Variants in GLCCI1 observed in about 807,000 individuals in gnomAD.
GLCCI1 encodes glucocorticoid-induced transcript 1 protein.
GLCCI1 carries 24 observed loss-of-function variants against 52.2 expected under a neutral mutation model. That is an observed-to-expected ratio of 0.46 (90% CI 0.33 to 0.65). The LOEUF (loss-of-function observed/expected upper bound fraction) is 0.65. Among genes scored for constraint, GLCCI1 ranks in the 30% least tolerant of loss-of-function variants. The pLI is 0.02. For missense variants in GLCCI1, 704 were observed against 701.5 expected, an observed-to-expected ratio of 1.00 and a Z score of -0.04; for synonymous variants, 310 against 276.5, an observed-to-expected ratio of 1.12 and a Z score of -1.20.
rs58639900 is a variant in GLCCI1, at chr7:8,086,980, CAAAA to C, written c.*458_*461del. ...TCTAACTTCTGTAATACATACAATG[CAAAA>C]AAAAAAAAAAAAAAATGGCCACAAC... On this transcript the variant is annotated 3_prime_UTR_variant, in exon 8 of 8. Coordinates refer to ENST00000223145, the MANE Select transcript of GLCCI1 (RefSeq NM_138426.4). The surrounding 1 kb of genome is among the most constrained non-coding windows in gnomAD (Gnocchi z 4.4). 21 of 118,838 alleles carry C rather than the reference CAAAA, an allele frequency of 1.8e-4. No individual in the cohort carries two copies. Among genetic ancestry groups the C allele is most frequent in the Non-Finnish European group, 1.8e-4 (10 of 55,808 alleles). The allele number at this position is 118,838 out of a possible 1,614,324, so 7.4% of individuals were successfully genotyped here.
At chr7:8,017,356 A>G (rs1394696970) in intron 2 of GLCCI1, among the ~76,000 whole-genome samples, 1 of 152,226 alleles carries the variant, frequency 6.6e-6, no homozygotes, top group Non-Finnish European at 1.5e-5. Context: ...TATATGGTCA[A>G]CATGACACCT....
chr7:8,062,589 G>A (rs1782543844), intron 5 of GLCCI1, among the ~76,000 whole-genome samples: 1 of 152,174 alleles, frequency 6.6e-6, no homozygotes, highest in Admixed American at 6.5e-5. Flanking sequence ...TACCTGATAA[G>A]GTAGTTTTTC....
chr7:7,988,893 C>A (rs1780787161), intron 1 of GLCCI1, among the ~76,000 whole-genome samples: 1 of 152,114 alleles, frequency 6.6e-6, no homozygotes, highest in East Asian at 1.9e-4. Context: ...CTGACCTCTG[C>A]TGCAGTTAGA....
At position 8,057,093 on chromosome 7, in the gene GLCCI1, C is replaced by T. The variant is rs79057277; in HGVS notation, c.813+1544C>T. On this transcript the variant is annotated intron_variant, in intron 4 of 7. Transcript: ENST00000223145. ...GAACAACCAGAACAGCCACACATTG[C>T]TGGTGGGAACACAAAAAGGTACAAC... Among the ~76,000 whole-genome samples, 796 of 152,250 alleles carry T rather than the reference C, an allele frequency of 5.2e-3. 16 individuals are homozygous for T. The East Asian group carries it at 0.075, about 14-fold the overall frequency.
chr7:7,987,794 C>T (rs1244490156), intron 1 of GLCCI1, among the ~76,000 whole-genome samples: 8 of 151,892 alleles, frequency 5.3e-5, no homozygotes, highest in Admixed American at 5.3e-4. Flanking sequence ...AATGGGGTTC[C>T]ACTGTGTTGT....
At chr7:7,989,487 C>T (rs1443275744) in intron 1 of GLCCI1, among the ~76,000 whole-genome samples, 2 of 151,988 alleles carry the variant, frequency 1.3e-5, no homozygotes. Context: ...GTTTTTTTCA[C>T]TGTCTTGTAC....
intron 6 of GLCCI1, among the ~76,000 whole-genome samples, chr7:8,079,466 A>G (rs1272674728): frequency 3.3e-5 from 5 of 151,574 alleles, no homozygotes; most frequent in Admixed American, 3.3e-4. Context: ...TCATTATTTT[A>G]GTCTATAAAT....
At chr7:7,984,122 G>T (rs1025050720) in intron 1 of GLCCI1, among the ~76,000 whole-genome samples, 2 of 152,108 alleles carry the variant, frequency 1.3e-5, no homozygotes, top group Non-Finnish European at 2.9e-5. Context: ...TTGCAGTGGC[G>T]CAATCATGGC....
chr7:8,070,862 T>G (rs1782745908), intron 5 of GLCCI1, 59 bp from the exon 6 acceptor site: 1 of 1,431,202 alleles, frequency 7.0e-7, no homozygotes, highest in Non-Finnish European at 9.8e-7. Context: ...ACTATGTGCT[T>G]TCTATGTAGA....
chr7:7,991,658 C>T (rs1780840082), intron 1 of GLCCI1, among the ~76,000 whole-genome samples: 1 of 152,040 alleles, frequency 6.6e-6, no homozygotes, highest in Non-Finnish European at 1.5e-5. Flanking sequence ...AGAGGCCCTT[C>T]TAGATTTACC....
At chr7:8,007,651 A>G (rs1024676612) in intron 2 of GLCCI1, among the ~76,000 whole-genome samples, 7 of 152,126 alleles carry the variant, frequency 4.6e-5, no homozygotes, top group African/African-American at 1.7e-4. Context: ...TATGTAGTGG[A>G]ATTATGTAGT....
chr7:8,042,271 T>C (rs992234349), intron 3 of GLCCI1, among the ~76,000 whole-genome samples: 2 of 152,224 alleles, frequency 1.3e-5, no homozygotes, highest in African/African-American at 4.8e-5. Context: ...TTGTAAGGCT[T>C]ACAGGTACCA....
chr7:7,998,278 G>T (rs947182342), intron 1 of GLCCI1, among the ~76,000 whole-genome samples: 1 of 151,734 alleles, frequency 6.6e-6, no homozygotes, highest in Non-Finnish European at 1.5e-5. Context: ...GTGCAGTGGC[G>T]TGATCTTGGC....
At position 8,087,567 on chromosome 7, in the gene GLCCI1, C is replaced by A. The variant is rs1218232421; in HGVS notation, c.*1029C>A. On this transcript the variant is annotated 3_prime_UTR_variant, in exon 8 of 8. Transcript: ENST00000223145. ...TTAGCCATCAGGGTCATAACTGTTACCATTTTATCTAAAGACATATTTATA... is the reference window on the plus strand; with the variant it reads ...TTAGCCATCAGGGTCATAACTGTTAACATTTTATCTAAAGACATATTTATA... 6.6e-6 allele frequency: 1 copy of A among 152,440 alleles called. No homozygotes were observed. Among genetic ancestry groups the A allele is most frequent in the Non-Finnish European group, 1.5e-5 (1 of 68,022 alleles). 9.4% of individuals were successfully genotyped at this position (152,440 alleles called of 1,614,324 possible).
At chr7:8,062,358 C>T (rs77069231) in intron 5 of GLCCI1, among the ~76,000 whole-genome samples, 14,722 of 152,146 alleles carry the variant, frequency 0.097, 951 homozygotes, top group East Asian at 0.18. Flanking sequence ...TTCACTTTTT[C>T]TGTTTATCAA....
rs576617934 is a variant in GLCCI1 at position 7,982,665 on chromosome 7, G to T, written c.457+12858G>T. Reference sequence around the variant, plus strand: ...CTCTCAAGTAATTATTTGGAAATTTGTGTTTGTCATTTGCTTTGTACATAG... The same window carrying T: ...CTCTCAAGTAATTATTTGGAAATTTTTGTTTGTCATTTGCTTTGTACATAG... On this transcript the variant is annotated intron_variant, in intron 1 of 7. Coordinates refer to ENST00000223145, the MANE Select transcript of GLCCI1 (RefSeq NM_138426.4). Among the ~76,000 whole-genome samples, 10 of 152,192 alleles carry T rather than the reference G, an allele frequency of 6.6e-5. No homozygotes were observed. The East Asian group carries it at 1.7e-3, about 26-fold the overall frequency.
chr7:8,054,962 CACA>C (rs1474146533), intron 3 of GLCCI1, among the ~76,000 whole-genome samples: 2 of 151,736 alleles, frequency 1.3e-5, no homozygotes, highest in East Asian at 3.8e-4. Flanking sequence ...TTTGATTCTC[CACA>C]ACACCATGGG....
At chr7:8,081,023 G>A (rs1782983409) in intron 6 of GLCCI1, among the ~76,000 whole-genome samples, 1 of 151,708 alleles carries the variant, frequency 6.6e-6, no homozygotes, top group Admixed American at 6.6e-5. Flanking sequence ...CATGTCAGTG[G>A]TATTTTCTAT....
chr7:8,004,388 G>C (rs183834355), intron 2 of GLCCI1: 121 of 175,104 alleles, frequency 6.9e-4, no homozygotes, highest in African/African-American at 2.7e-3. Context: ...AGAAGAGTTT[G>C]CACCGTTCTT....
Sources: allele counts gnomAD v4.1 joint callset (sites outside exome capture counted in the v4.1 genomes callset), GRCh38; gene constraint gnomAD v4.1.1; non-coding constraint Gnocchi (gnomAD v3.1); transcripts MANE v1.5; gene names NCBI Gene and HGNC (gene_info 2026-07-23, HGNC 2026-07-21).